Variants in TEX11 observed in about 807,000 individuals in gnomAD.
TEX11 encodes the protein testis-expressed protein 11.
A neutral mutation model predicts 84.4 loss-of-function variants in TEX11; 7 were observed. The ratio of observed to expected loss-of-function variants is 0.08; its 90% CI spans 0.05 to 0.16. The LOEUF (loss-of-function observed/expected upper bound fraction) is 0.16. Among genes scored for constraint, TEX11 ranks in the 10% least tolerant of loss-of-function variants. The pLI, the probability that TEX11 is intolerant of heterozygous loss-of-function variation, is 1.00. For synonymous variants in TEX11, 264 were observed against 222.8 expected, an observed-to-expected ratio of 1.18 and a Z score of -1.64; for missense variants, 551 against 660.5, an observed-to-expected ratio of 0.83 and a Z score of 1.82.
chrX:70,525,891 C>T (rs1278639905), downstream of TEX11, among the ~76,000 whole-genome samples: 5 of 111,554 alleles, frequency 4.5e-5, no homozygotes, highest in African/African-American at 6.5e-5. Flanking sequence ...ACAGTGAGCC[C>T]GGTGAGTCAA....
At chrX:70,566,334 A>G (rs1335276208) in intron 25 of TEX11, among the ~76,000 whole-genome samples, 2 of 102,661 alleles carry the variant, frequency 1.9e-5, no homozygotes, top group African/African-American at 3.6e-5. Flanking sequence ...TAGATATACA[A>G]TCATGTCATC....
At chrX:70,722,811 G>A (rs2090570697) in intron 12 of TEX11, 115 bp from the exon 13 acceptor site, 1 of 553,172 alleles carries the variant, frequency 1.8e-6, no homozygotes, top group African/African-American at 2.3e-5. Flanking sequence ...CATATACCAT[G>A]TTTTGCCTAA....
At chrX:70,564,090 G>A (rs933310376) in intron 25 of TEX11, among the ~76,000 whole-genome samples, 16 of 111,762 alleles carry the variant, frequency 1.4e-4, no homozygotes, top group Non-Finnish European at 2.8e-4. Flanking sequence ...TTAGCTGGGC[G>A]TGGTGGTGCA....
intron 11 of TEX11, among the ~76,000 whole-genome samples, chrX:70,729,206 TG>T (rs2090623917): frequency 9.3e-6 from 1 of 107,985 alleles, no homozygotes; most frequent in Non-Finnish European, 1.9e-5. Context: ...ACCACAAAGA[TG>T]GGGAAAAAAC....
intron 9 of TEX11, among the ~76,000 whole-genome samples, chrX:70,793,155 T>TA (rs1402367462): frequency 6.3e-5 from 7 of 111,297 alleles, no homozygotes; most frequent in African/African-American, 9.8e-5. Context: ...CCATTCATGA[T>TA]AAAAAACCCC....
intron 9 of TEX11, among the ~76,000 whole-genome samples, chrX:70,755,963 G>A (rs1190819821): frequency 1.8e-5 from 2 of 112,595 alleles, no homozygotes; most frequent in African/African-American, 6.4e-5. Context: ...GGCTCGGCGG[G>A]TCCCATGCCC....
intron 9 of TEX11, among the ~76,000 whole-genome samples, chrX:70,770,249 GTAAA>G (rs747191748): frequency 1.2e-4 from 13 of 111,806 alleles, no homozygotes; most frequent in African/African-American, 4.2e-4. Context: ...ATTTGTGCAC[GTAAA>G]TACATTTATA....
chrX:70,885,618 G>A (rs924135978), intron 2 of TEX11, among the ~76,000 whole-genome samples: 3 of 111,133 alleles, frequency 2.7e-5, no homozygotes, highest in African/African-American at 9.8e-5. Flanking sequence ...AAGGCCAGGC[G>A]CAGTGGCTTA....
chrX:70,783,243 C>G (rs1448557487), intron 9 of TEX11, among the ~76,000 whole-genome samples: 3 of 111,473 alleles, frequency 2.7e-5, no homozygotes, highest in Non-Finnish European at 5.7e-5. Flanking sequence ...GGGTAAATAA[C>G]AAAATGAAGG....
intron 27 of TEX11, among the ~76,000 whole-genome samples, chrX:70,552,482 C>A (rs1194378183): frequency 9.0e-6 from 1 of 110,559 alleles, no homozygotes; most frequent in Non-Finnish European, 1.9e-5. Context: ...TTTTAGTTTC[C>A]TGCACGAAGG....
chrX:70,891,377 T>C (rs1488061662), intron 2 of TEX11, among the ~76,000 whole-genome samples: 1 of 111,620 alleles, frequency 9.0e-6, no homozygotes, highest in Admixed American at 9.6e-5. Flanking sequence ...GGATGGAGAA[T>C]GACTTTGACG....
intron 24 of TEX11, among the ~76,000 whole-genome samples, chrX:70,601,929 T>A (rs1018996862): frequency 9.0e-6 from 1 of 110,936 alleles, no homozygotes; most frequent in African/African-American, 3.3e-5. Context: ...GTCTCCCATG[T>A]CCACTTCTAT....
At chrX:70,571,930 T>C (rs1436637870) in intron 25 of TEX11, among the ~76,000 whole-genome samples, 1 of 111,389 alleles carries the variant, frequency 9.0e-6, no homozygotes, top group African/African-American at 3.3e-5. Context: ...TCAGGAGACA[T>C]TGTGCTAAGA....
intron 5 of TEX11, among the ~76,000 whole-genome samples, chrX:70,854,849 C>A (rs1321121474): frequency 1.8e-5 from 2 of 108,490 alleles, no homozygotes; most frequent in African/African-American, 6.7e-5. Flanking sequence ...AGTTCGAGAC[C>A]AGCCTGGGCA....
At chrX:70,693,980 A>C (rs1244176684) in intron 13 of TEX11, among the ~76,000 whole-genome samples, 3 of 111,982 alleles carry the variant, frequency 2.7e-5, no homozygotes, top group Middle Eastern at 8.5e-3. Flanking sequence ...AAACCTGCAC[A>C]TGTACTTCTG....
rs371915731 is a variant in TEX11 at position 70,529,892 on chromosome X, G to T, written c.2628C>A (p.Gly876=). The change falls in exon 29 of 30, where the codon GGC becomes GGA. Residue 876 remains glycine, a synonymous_variant. Coordinates refer to ENST00000374333, the MANE Select transcript of TEX11 (RefSeq NM_031276.3). ...GGTGGTTAAGGAAACGCAAGGCCAG[G>T]CCACACCACTTTTCAGCAGATGCAT... ...SKYASAEKWC[G]LALRFLNHLT... 1 of 1,211,315 alleles carries T rather than the reference G, an allele frequency of 8.3e-7. No homozygotes were observed. Among genetic ancestry groups the T allele is most frequent in the Admixed American group, 2.2e-5 (1 of 45,959 alleles).
intron 13 of TEX11, among the ~76,000 whole-genome samples, chrX:70,713,210 T>G (rs1470700415): frequency 3.6e-5 from 4 of 111,795 alleles, no homozygotes; most frequent in Admixed American, 9.5e-5. Flanking sequence ...TTATTGAGGA[T>G]TTTTGCATCG....
chrX:70,572,807 C>T (rs1476617027), intron 25 of TEX11, among the ~76,000 whole-genome samples: 1 of 90,148 alleles, frequency 1.1e-5, no homozygotes, highest in Non-Finnish European at 2.1e-5. Context: ...ACAATGAGAA[C>T]ACATGGACAC....
intron 9 of TEX11, among the ~76,000 whole-genome samples, chrX:70,765,293 C>A: frequency 9.0e-6 from 1 of 110,838 alleles, no homozygotes; most frequent in East Asian, 2.8e-4. Context: ...GGCTGAGGCA[C>A]GAGAATCACT....
Sources: gnomAD v4.1 joint callset for allele counts (sites outside exome capture counted in the v4.1 genomes callset) on GRCh38, gnomAD v4.1.1 for gene constraint, MANE v1.5 for transcripts, NCBI Gene and HGNC (gene_info 2026-07-23, HGNC 2026-07-21) for gene names.